The following DOCK4 variants were observed in gnomAD, a reference collection of about 807,000 sequenced individuals.
DOCK4 encodes dedicator of cytokinesis protein 4.
In DOCK4, 97 loss-of-function variants were observed where a neutral mutation model predicts 268.1. That is an observed-to-expected ratio of 0.36 (90% CI 0.31 to 0.43). The LOEUF is 0.43. Ranked by LOEUF, DOCK4 falls within the 20% of genes least tolerant of loss-of-function variation. The pLI, the probability that DOCK4 is intolerant of heterozygous loss-of-function variation, is 1.00. For synonymous variants in DOCK4, 954 were observed against 887.2 expected, an observed-to-expected ratio of 1.08 and a Z score of -1.34; for missense variants, 2,145 against 2,455.7, an observed-to-expected ratio of 0.87 and a Z score of 2.67.
intron 11 of DOCK4, 21 bp from the exon 12 acceptor site, chr7:111,935,649 T>C: frequency 5.7e-6 from 9 of 1,592,772 alleles, no homozygotes; most frequent in Non-Finnish European, 7.7e-6. Context: ...ATTAACACTC[T>C]GTTAAGCTTT....
chr7:111,891,120 A>C (rs1253127768), intron 16 of DOCK4, among the ~76,000 whole-genome samples: 2 of 152,192 alleles, frequency 1.3e-5, no homozygotes, highest in African/African-American at 2.4e-5. Context: ...ATAAAAGTCC[A>C]GAATTAAATA....
At chr7:111,896,486 G>GCTTTTTTTT (rs750840339) in intron 15 of DOCK4, among the ~76,000 whole-genome samples, 3 of 134,006 alleles carry the variant, frequency 2.2e-5, no homozygotes, top group African/African-American at 3.2e-5. Context: ...TTTCCACCAA[G>GCTTTTTTTT]GTTTTTTTTT....
chr7:112,192,672 G>A (rs975353726), intron 1 of DOCK4, among the ~76,000 whole-genome samples: 3 of 152,108 alleles, frequency 2.0e-5, no homozygotes, highest in Admixed American at 2.0e-4. Context: ...AAGAAATGTT[G>A]TTCAAAGTAA....
chr7:112,002,777 T>C (rs925718673), intron 2 of DOCK4, among the ~76,000 whole-genome samples: 4 of 152,056 alleles, frequency 2.6e-5, no homozygotes, highest in Non-Finnish European at 5.9e-5. Flanking sequence ...TGGCCGGGCA[T>C]GGTGGCTCAC....
intron 1 of DOCK4, among the ~76,000 whole-genome samples, chr7:112,124,514 G>C (rs1813039263): frequency 6.6e-6 from 1 of 152,158 alleles, no homozygotes; most frequent in African/African-American, 2.4e-5. Flanking sequence ...CCAAATACAA[G>C]TTCTTTTTCT....
chr7:111,785,996 G>C lies in DOCK4; in HGVS notation c.3402-1873C>G, dbSNP rs141886194. Among the ~76,000 whole-genome samples the C allele has an allele frequency of 6.3e-3, 955 of 152,270 alleles. 11 individuals are homozygous for C. Among genetic ancestry groups the C allele is most frequent in the Non-Finnish European group, 8.9e-3 (603 of 68,018 alleles). The stretch of plus-strand genomic sequence containing the variant: ...AATCTCCCTCTCTCGGTATCATAAT[G>C]GGGTTACGTAGAAGTCATCACTCTA... On this transcript the variant is annotated intron_variant, in intron 32 of 52. Coordinates refer to ENST00000428084, the MANE Select transcript of DOCK4 (RefSeq NM_001363540.2).
chr7:111,958,673 G>C (rs1159051926), intron 8 of DOCK4, among the ~76,000 whole-genome samples: 2 of 152,054 alleles, frequency 1.3e-5, no homozygotes, highest in African/African-American at 4.8e-5. Flanking sequence ...GACTCTATGA[G>C]TTTTTGGTTT....
chr7:111,846,028 G>A (rs1804071581), intron 24 of DOCK4, among the ~76,000 whole-genome samples: 1 of 152,104 alleles, frequency 6.6e-6, no homozygotes, highest in African/African-American at 2.4e-5. Context: ...TTTGTTCCAT[G>A]CAGGTTCCTC....
rs774968827 is a variant in DOCK4, at chr7:111,788,681, G to A, written c.3382C>T (p.Arg1128Cys). Reference sequence around the variant, plus strand: ...ACTCACATACTGTTGAAGAGCTCGCGGTATGTTTCGTCACCTTTGCCTTCT... The same window carrying A: ...ACTCACATACTGTTGAAGAGCTCGCAGTATGTTTCGTCACCTTTGCCTTCT... ...MSEGKGDETY[R>C]ELFNSIIPLF... The change falls in exon 32 of 53, where the codon CGC becomes TGC. Residue 1128 changes from arginine to cysteine, a missense_variant. By Grantham distance (180) the Arg-to-Cys change is radical. Coordinates refer to ENST00000428084, the MANE Select transcript of DOCK4 (RefSeq NM_001363540.2). The A allele has an allele frequency of 2.3e-5, 36 of 1,588,132 alleles. No individual in the cohort carries two copies. In the East Asian group the frequency reaches 3.4e-4, roughly 15 times the overall value.
intron 51 of DOCK4, chr7:111,732,635 G>A (rs983207825): frequency 4.2e-6 from 1 of 235,950 alleles, no homozygotes; most frequent in East Asian, 1.1e-4. Context: ...TTTTAGGTGT[G>A]AGATGCTAGG....
chr7:111,980,122 T>C (rs1048104533), intron 7 of DOCK4, among the ~76,000 whole-genome samples: 2 of 152,194 alleles, frequency 1.3e-5, no homozygotes, highest in African/African-American at 4.8e-5. Context: ...CTTGAACTTT[T>C]GTTCTTTGAA....
intron 15 of DOCK4, among the ~76,000 whole-genome samples, chr7:111,899,273 T>G (rs985911709): frequency 8.5e-5 from 13 of 152,204 alleles, no homozygotes; most frequent in Non-Finnish European, 1.5e-4. Flanking sequence ...TGTGGTAAAT[T>G]CACCACAAAT....
chr7:112,186,119 G>C lies in DOCK4; in HGVS notation c.37+19983C>G, dbSNP rs73715502. On this transcript the variant is annotated intron_variant, in intron 1 of 52. Coordinates refer to ENST00000428084, the MANE Select transcript of DOCK4 (RefSeq NM_001363540.2). The stretch of plus-strand genomic sequence containing the variant: ...GAAGCAGACCGAGCAGAGGTTTCAA[G>C]ATCACAGGCTGCCCAAACTTTAGCC... 6.3e-3 allele frequency among the ~76,000 whole-genome samples: 956 copies of C among 152,366 alleles called. 10 individuals carry two copies. The highest frequency in any genetic ancestry group is 0.022 in the African/African-American group (908 of 41,580).
intron 27 of DOCK4, chr7:111,821,229 C>T (rs539923853): frequency 6.6e-6 from 1 of 152,250 alleles, no homozygotes; most frequent in South Asian, 2.1e-4. Flanking sequence ...CAGCTCTCAC[C>T]ACCATCAAAG....
intron 1 of DOCK4, among the ~76,000 whole-genome samples, chr7:112,096,883 G>T (rs1810193702): frequency 6.6e-6 from 1 of 152,220 alleles, no homozygotes; most frequent in African/African-American, 2.4e-5. Context: ...ACACAGAACA[G>T]AAAGGTAGCA....
At chr7:112,025,769 A>C (rs1404120314) in intron 1 of DOCK4, among the ~76,000 whole-genome samples, 1 of 152,086 alleles carries the variant, frequency 6.6e-6, no homozygotes, top group Non-Finnish European at 1.5e-5. Context: ...TGTAGTTCCT[A>C]TCACTCACAA....
chr7:111,973,768 G>T (rs1334024125), intron 8 of DOCK4, among the ~76,000 whole-genome samples: 1 of 151,942 alleles, frequency 6.6e-6, no homozygotes, highest in Non-Finnish European at 1.5e-5. Flanking sequence ...AAGGAATGTG[G>T]TTAAAACAAG....
intron 52 of DOCK4, among the ~76,000 whole-genome samples, chr7:111,729,214 C>T (rs760617678): frequency 1.5e-4 from 23 of 152,290 alleles, no homozygotes; most frequent in Middle Eastern, 3.4e-3. Context: ...GCGAGGGCCA[C>T]CAGTCCTCGA....
intron 23 of DOCK4, among the ~76,000 whole-genome samples, chr7:111,852,558 T>C (rs1804669459): frequency 6.7e-6 from 1 of 149,826 alleles, no homozygotes. Context: ...TGCCTAGTAA[T>C]GTTTAATTAG....
Sources: gnomAD v4.1 joint callset for allele counts (sites outside exome capture counted in the v4.1 genomes callset) on GRCh38, gnomAD v4.1.1 for gene constraint, MANE v1.5 for transcripts, NCBI Gene and HGNC (gene_info 2026-07-23, HGNC 2026-07-21) for gene names.